The following MEMO1 variants were observed in gnomAD, a reference collection of about 807,000 sequenced individuals.
MEMO1 encodes the protein protein MEMO1.
MEMO1 carries 6 observed loss-of-function variants against 45.2 expected under a neutral mutation model. The ratio of observed to expected loss-of-function variants is 0.13; its 90% confidence interval spans 0.07 to 0.26. The LOEUF is 0.26. Among genes scored for constraint, MEMO1 ranks in the 10% least tolerant of loss-of-function variants. The pLI is 1.00. For missense variants in MEMO1, 184 were observed against 370.5 expected (o/e 0.50, Z 4.13); for synonymous variants, 78 against 124.3 (o/e 0.63, Z 2.48).
chr2:32,005,706 C>A (rs987477804), intron 2 of MEMO1, among the ~76,000 whole-genome samples: 2 of 152,120 alleles, frequency 1.3e-5, no homozygotes, highest in African/African-American at 4.8e-5. Context: ...GTATCCCTGT[C>A]CATATATGCT....
chr2:31,986,864 T>C (rs1297836848), intron 2 of MEMO1, among the ~76,000 whole-genome samples: 1 of 152,162 alleles, frequency 6.6e-6, no homozygotes, highest in Non-Finnish European at 1.5e-5. Context: ...ACGCGACAAC[T>C]AAATTGTTAT....
chr2:32,002,812 T>C (rs1673576175), intron 2 of MEMO1, among the ~76,000 whole-genome samples: 1 of 152,048 alleles, frequency 6.6e-6, no homozygotes, highest in Admixed American at 6.6e-5. Context: ...ATGGAGACAG[T>C]GAAGGAGATG....
intron 2 of MEMO1, among the ~76,000 whole-genome samples, chr2:31,993,727 A>G (rs2148557985): frequency 6.6e-6 from 1 of 152,302 alleles, no homozygotes; most frequent in African/African-American, 2.4e-5. Context: ...GGCCAAAATC[A>G]TTGGAGCTAT....
intron 2 of MEMO1, among the ~76,000 whole-genome samples, chr2:31,985,517 G>C (rs549704797): frequency 1.7e-4 from 26 of 152,180 alleles, no homozygotes; most frequent in African/African-American, 6.3e-4. Context: ...GTACAGACAG[G>C]GTTTCACCAT....
At chr2:31,904,547 C>T (rs1679386827) in intron 6 of MEMO1, among the ~76,000 whole-genome samples, 1 of 152,226 alleles carries the variant, frequency 6.6e-6, no homozygotes. Flanking sequence ...AGCACGCAAC[C>T]TAGATCCCTC....
intron 2 of MEMO1, among the ~76,000 whole-genome samples, chr2:31,949,879 T>C (rs561664680): frequency 4.0e-5 from 6 of 150,002 alleles, no homozygotes; most frequent in Non-Finnish European, 7.4e-5. Flanking sequence ...AAACATCTCA[T>C]GTACCTCCCA....
intron 8 of MEMO1, among the ~76,000 whole-genome samples, chr2:31,878,941 CAT>C (rs201465461): frequency 0.012 from 1,866 of 152,270 alleles, 40 homozygotes; most frequent in African/African-American, 0.042. Context: ...AAACGAGAAT[CAT>C]ATAGCTGATA....
intron 2 of MEMO1, among the ~76,000 whole-genome samples, chr2:31,993,550 A>G (rs935037734): frequency 1.3e-5 from 2 of 152,226 alleles, no homozygotes; most frequent in Non-Finnish European, 2.9e-5. Flanking sequence ...GAATTTCCGG[A>G]TCAGAATTCT....
intron 2 of MEMO1, among the ~76,000 whole-genome samples, chr2:31,957,756 T>C (rs1251754358): frequency 6.6e-6 from 1 of 152,264 alleles, no homozygotes; most frequent in East Asian, 1.9e-4. Flanking sequence ...CAGTTTTATT[T>C]GTCTAGCAAG....
At chr2:31,995,413 C>T (rs1163734026) in intron 2 of MEMO1, among the ~76,000 whole-genome samples, 1 of 152,048 alleles carries the variant, frequency 6.6e-6, no homozygotes, top group Admixed American at 6.6e-5. Flanking sequence ...AAGATTGCAC[C>T]ACTGCACTCC....
chr2:31,977,410 C>CCTTA (rs1301746475), intron 2 of MEMO1, among the ~76,000 whole-genome samples: 1 of 152,120 alleles, frequency 6.6e-6, no homozygotes, highest in East Asian at 1.9e-4. Context: ...AAATCTTTAA[C>CCTTA]CTTAAGTCAC....
At chr2:32,006,405 G>T (rs1674074038) in intron 2 of MEMO1, among the ~76,000 whole-genome samples, 1 of 152,182 alleles carries the variant, frequency 6.6e-6, no homozygotes, top group Non-Finnish European at 1.5e-5. Flanking sequence ...CTGGTCCAGA[G>T]ATCAAACTTT....
chr2:31,965,487 T>TA (rs1320484009), intron 2 of MEMO1, among the ~76,000 whole-genome samples: 1 of 152,116 alleles, frequency 6.6e-6, no homozygotes, highest in Non-Finnish European at 1.5e-5. Context: ...TTTCCACTGT[T>TA]ACAGAACCAC....
chr2:31,980,360 G>C (rs1670495006), intron 2 of MEMO1, among the ~76,000 whole-genome samples: 1 of 152,118 alleles, frequency 6.6e-6, no homozygotes, highest in African/African-American at 2.4e-5. Flanking sequence ...TTGAACCCAG[G>C]AGTTGGAGGC....
At chr2:31,991,536 A>AC (rs1671947497) in intron 2 of MEMO1, among the ~76,000 whole-genome samples, 1 of 146,156 alleles carries the variant, frequency 6.8e-6, no homozygotes, top group African/African-American at 2.5e-5. Context: ...GCCCCATTGT[A>AC]CCCCAGCCTG....
chr2:31,996,067 T>C (rs568998787), intron 2 of MEMO1, among the ~76,000 whole-genome samples: 1 of 151,900 alleles, frequency 6.6e-6, no homozygotes, highest in Non-Finnish European at 1.5e-5. Flanking sequence ...AAAACATATA[T>C]CCCAATATGC....
At chr2:31,960,686 A>C (rs1036732942) in intron 2 of MEMO1, among the ~76,000 whole-genome samples, 3 of 152,092 alleles carry the variant, frequency 2.0e-5, no homozygotes, top group African/African-American at 7.2e-5. Flanking sequence ...CCGGGGTTCA[A>C]GCAATTCTTG....
At chr2:31,875,087 A>G (rs889453875) in intron 8 of MEMO1, among the ~76,000 whole-genome samples, 1 of 152,100 alleles carries the variant, frequency 6.6e-6, no homozygotes, top group African/African-American at 2.4e-5. Flanking sequence ...TAAAAATTCT[A>G]TATATAAATA....
chr2:31,874,583 T>C (rs957035043), intron 8 of MEMO1, among the ~76,000 whole-genome samples: 1 of 152,078 alleles, frequency 6.6e-6, no homozygotes, highest in Non-Finnish European at 1.5e-5. Context: ...GTAATAGTTT[T>C]CAGTTAAAAA....
Sources: allele counts gnomAD v4.1 joint callset (sites outside exome capture counted in the v4.1 genomes callset), GRCh38; gene constraint gnomAD v4.1.1; transcripts MANE v1.5; gene names NCBI Gene and HGNC (gene_info 2026-07-23, HGNC 2026-07-21).